Variants in TENM3 observed in about 807,000 individuals in gnomAD.
TENM3 encodes the protein teneurin-3.
Under a neutral mutation model 255.1 loss-of-function variants are expected in TENM3, and 63 were observed. The ratio of observed to expected loss-of-function variants is 0.25; its 90% CI spans 0.20 to 0.30. The LOEUF (loss-of-function observed/expected upper bound fraction) is 0.30. Among genes scored for constraint, TENM3 ranks in the 10% least tolerant of loss-of-function variants. TENM3 has a pLI of 1.00. For missense variants in TENM3, 2,929 were observed against 3,461.1 expected (o/e 0.85, Z 3.86); for synonymous variants, 1,306 against 1,322.3 (o/e 0.99, Z 0.27).
chr4:182,251,635 G>A (rs572894954), intron 1 of TENM3, among the ~76,000 whole-genome samples: 2 of 152,168 alleles, frequency 1.3e-5, no homozygotes, highest in South Asian at 2.1e-4. Flanking sequence ...TGAGATGGTC[G>A]ATTGTTTAGT....
the TENM3 span, among the ~76,000 whole-genome samples, chr4:182,128,401 C>G: frequency 1.3e-5 from 2 of 151,956 alleles, no homozygotes; most frequent in Admixed American, 6.6e-5. Flanking sequence ...TGGTCTTTAA[C>G]TCCTGCACTC....
At chr4:182,064,896 T>G in the TENM3 span, among the ~76,000 whole-genome samples, 1 of 152,208 alleles carries the variant, frequency 6.6e-6, no homozygotes, top group African/African-American at 2.4e-5. Context: ...TCTCTACATA[T>G]TATTTGTGTA....
the TENM3 span, among the ~76,000 whole-genome samples, chr4:181,602,415 C>G: frequency 2.4e-4 from 37 of 152,206 alleles, no homozygotes; most frequent in African/African-American, 8.7e-4. Flanking sequence ...TTTCTTGCAT[C>G]GTAGTTAGTA....
the TENM3 span, among the ~76,000 whole-genome samples, chr4:181,587,057 G>C: frequency 6.6e-6 from 1 of 152,070 alleles, no homozygotes; most frequent in Non-Finnish European, 1.5e-5. Flanking sequence ...CATTTCTACT[G>C]TATTTGGTCA....
the TENM3 span, among the ~76,000 whole-genome samples, chr4:181,680,980 C>T: frequency 1.3e-5 from 2 of 152,040 alleles, no homozygotes; most frequent in Admixed American, 6.6e-5. Context: ...ATAAACTGAA[C>T]ATTATCTTTC....
chr4:181,576,910 T>G, the TENM3 span, among the ~76,000 whole-genome samples: 1 of 137,280 alleles, frequency 7.3e-6, no homozygotes, highest in Non-Finnish European at 1.5e-5. Context: ...GCCTCCCGGG[T>G]TCAAGCGATT....
At chr4:181,888,523 T>C in the TENM3 span, among the ~76,000 whole-genome samples, 5,722 of 94,346 alleles carry the variant, frequency 0.061, 662 homozygotes, top group Non-Finnish European at 0.079. Context: ...TATGTATATA[T>C]ATACATATAT....
chr4:181,530,357 A>C, the TENM3 span, among the ~76,000 whole-genome samples: 1 of 152,234 alleles, frequency 6.6e-6, no homozygotes, highest in Non-Finnish European at 1.5e-5. Context: ...ATTAGTAGCC[A>C]TCAGCGCGTG....
rs577179947 is a variant in TENM3 at position 182,560,848 on chromosome 4, G to T, written c.512-40076G>T. On this transcript the variant is annotated intron_variant, in intron 3 of 27. Coordinates refer to ENST00000511685, the MANE Select transcript of TENM3 (RefSeq NM_001080477.4). ...TATAATGAACAGTGGAGAAGTAAAAGGGCAAAGATACAACTCCTCAGAGAA... is the reference window on the plus strand; with the variant it reads ...TATAATGAACAGTGGAGAAGTAAAATGGCAAAGATACAACTCCTCAGAGAA... Among the ~76,000 whole-genome samples, 206 of 150,846 alleles carry T rather than the reference G, an allele frequency of 1.4e-3. 2 individuals are homozygous for T. In the South Asian group the frequency reaches 0.04, roughly 29 times the overall value.
chr4:181,658,121 A>C, the TENM3 span, among the ~76,000 whole-genome samples: 7 of 152,194 alleles, frequency 4.6e-5, no homozygotes, highest in Admixed American at 1.3e-4. Context: ...ACAAACCTGC[A>C]CATGTACTCT....
At chr4:182,002,488 T>C in the TENM3 span, among the ~76,000 whole-genome samples, 4 of 152,062 alleles carry the variant, frequency 2.6e-5, no homozygotes, top group Non-Finnish European at 5.9e-5. Flanking sequence ...AGAGGCTCAC[T>C]TTAGTCAAGA....
the TENM3 span, among the ~76,000 whole-genome samples, chr4:181,514,369 G>A: frequency 1.3e-5 from 2 of 152,156 alleles, no homozygotes; most frequent in Non-Finnish European, 2.9e-5. Context: ...GTGGAGGAAA[G>A]GTTGTCATAT....
At chr4:182,434,291 A>G (rs1771883552) in intron 3 of TENM3, among the ~76,000 whole-genome samples, 1 of 152,190 alleles carries the variant, frequency 6.6e-6, no homozygotes, top group African/African-American at 2.4e-5. Flanking sequence ...AATCAGAAGC[A>G]GGACCTGTTT....
At chr4:181,650,875 C>A in the TENM3 span, among the ~76,000 whole-genome samples, 1 of 152,152 alleles carries the variant, frequency 6.6e-6, no homozygotes, top group Non-Finnish European at 1.5e-5. Flanking sequence ...TTTATCTTCC[C>A]TTTGAGTCCT....
chr4:182,654,169 G>T (rs1753561302), intron 6 of TENM3, among the ~76,000 whole-genome samples: 1 of 151,978 alleles, frequency 6.6e-6, no homozygotes, highest in East Asian at 1.9e-4. Flanking sequence ...TTTATTTTTA[G>T]TCTGCAAATA....
At chr4:182,484,128 A>G (rs1381573103) in intron 3 of TENM3, among the ~76,000 whole-genome samples, 1 of 152,176 alleles carries the variant, frequency 6.6e-6, no homozygotes. Flanking sequence ...CAAATAAGTG[A>G]TGATAGCAGC....
At chr4:182,224,216 C>A (rs1278050483) in intron 1 of TENM3, among the ~76,000 whole-genome samples, 1 of 152,076 alleles carries the variant, frequency 6.6e-6, no homozygotes, top group Non-Finnish European at 1.5e-5. Flanking sequence ...ATTAGTGTAT[C>A]CGTTCTTATT....
chr4:181,882,755 T>G, the TENM3 span, among the ~76,000 whole-genome samples: 1 of 152,234 alleles, frequency 6.6e-6, no homozygotes, highest in Non-Finnish European at 1.5e-5. Context: ...AATTCCGCAG[T>G]CCACTCATCT....
At chr4:182,057,408 C>CTTTTTT in the TENM3 span, among the ~76,000 whole-genome samples, 4 of 132,542 alleles carry the variant, frequency 3.0e-5, no homozygotes, top group Non-Finnish European at 3.3e-5. Flanking sequence ...CTTTTCTTTT[C>CTTTTTT]TTTTTTTTTT....
Sources: gnomAD v4.1 joint callset for allele counts (sites outside exome capture counted in the v4.1 genomes callset) on GRCh38, gnomAD v4.1.1 for gene constraint, MANE v1.5 for transcripts, NCBI Gene and HGNC (gene_info 2026-07-23, HGNC 2026-07-21) for gene names.